PDZD2: variants seen among roughly 807,000 people sequenced by gnomAD.
PDZD2 encodes PDZ domain-containing protein 2.
Under a neutral mutation model 220.7 loss-of-function variants are expected in PDZD2, and 90 were observed. That is an observed-to-expected ratio of 0.41 (90% CI 0.34 to 0.49). PDZD2 has a LOEUF of 0.49. PDZD2 is among the 20% of genes least tolerant of loss of function. PDZD2 has a pLI of 0.28. For synonymous variants in PDZD2, 1,375 were observed against 1,450.5 expected, an observed-to-expected ratio of 0.95 and a Z score of 1.18; for missense variants, 3,174 against 3,608.5, an observed-to-expected ratio of 0.88 and a Z score of 3.08.
At chr5:31,976,717 T>C (rs1306718340) in intron 2 of PDZD2, among the ~76,000 whole-genome samples, 2 of 20,986 alleles carry the variant, frequency 9.5e-5, no homozygotes, top group Admixed American at 4.2e-4. Flanking sequence ...CTTCTTTCTT[T>C]TTTTTTTTTT....
rs1485746605 is a variant in PDZD2 at position 32,000,803 on chromosome 5, C to T, written c.1254+532C>T. On this transcript the variant is annotated intron_variant, in intron 5 of 24. Coordinates refer to ENST00000438447, the MANE Select transcript of PDZD2 (RefSeq NM_178140.4). This position sits in a 1 kb window ranked among gnomAD's most constrained non-coding sequence, Gnocchi z 4.5. The stretch of plus-strand genomic sequence containing the variant: ...GGGATTACAGGCGTGAGCCACCATG[C>T]CTGGCCCTTTAAGAGTTTTTATAGG... 2.0e-5 allele frequency among the ~76,000 whole-genome samples: 3 copies of T among 152,218 alleles called. No homozygotes were observed. Among genetic ancestry groups the T allele is most frequent in the Admixed American group, 1.3e-4 (2 of 15,284 alleles).
intron 2 of PDZD2, among the ~76,000 whole-genome samples, chr5:31,830,043 A>G (rs188327249): frequency 2.6e-5 from 4 of 152,196 alleles, no homozygotes; most frequent in Admixed American, 2.6e-4. Context: ...GCGAGACTCC[A>G]TCTCAAAGAA....
In PDZD2 at chr5:32,000,274, A is replaced by T. The variant is rs768753938; in HGVS notation, c.1254+3A>T. ...TGCAGCTTGTGGTGGCCAGCAAGGT[A>T]GGTCGTGTTTGTTTTTTGGTACTCG... is the stretch of plus-strand genomic sequence containing the variant. On this transcript the variant is annotated splice_donor_region_variant and intron_variant, in intron 5 of 24. Coordinates refer to ENST00000438447, the MANE Select transcript of PDZD2 (RefSeq NM_178140.4). The surrounding 1 kb of genome is among the most constrained non-coding windows in gnomAD (Gnocchi z 4.5). The T allele has an allele frequency of 2.5e-6, 4 of 1,614,066 alleles. No individual in the cohort carries two copies. The Admixed American group carries it at 6.7e-5, about 27-fold the overall frequency.
intron 1 of PDZD2, 149 bp from the exon 2 acceptor site, chr5:31,798,740 G>A (rs55900138): frequency 0.17 from 27,176 of 156,418 alleles, 2,538 homozygotes; most frequent in Middle Eastern, 0.21. Context: ...TAGCCACACG[G>A]GGGAATGGGG....
At chr5:32,033,055 A>T (rs1463801562) in intron 6 of PDZD2, among the ~76,000 whole-genome samples, 1 of 152,260 alleles carries the variant, frequency 6.6e-6, no homozygotes, top group Non-Finnish European at 1.5e-5. Context: ...GTTAGCCAAG[A>T]GGCCGAGAAG....
At chr5:31,922,659 A>C (rs1744376405) in intron 2 of PDZD2, among the ~76,000 whole-genome samples, 1 of 152,022 alleles carries the variant, frequency 6.6e-6, no homozygotes, top group Non-Finnish European at 1.5e-5. Flanking sequence ...AAGAAGCTTC[A>C]CTAGCCTTTT....
chr5:31,966,353 A>G (rs1332635308), intron 2 of PDZD2, among the ~76,000 whole-genome samples: 2 of 152,244 alleles, frequency 1.3e-5, no homozygotes, highest in South Asian at 2.1e-4. Context: ...CTCCTAAAAT[A>G]AACATACCAT....
intron 2 of PDZD2, chr5:31,847,810 T>G: frequency 1.8e-6 from 1 of 568,340 alleles, no homozygotes; most frequent in South Asian, 1.4e-5. Flanking sequence ...ATTCCCTGGT[T>G]ATGATTCTGA....
chr5:31,668,221 T>C (rs1272425117), intron 1 of PDZD2, among the ~76,000 whole-genome samples: 1 of 152,160 alleles, frequency 6.6e-6, no homozygotes, highest in Non-Finnish European at 1.5e-5. Flanking sequence ...TGCTTTCCAA[T>C]CTTACAGGAA....
intron 20 of PDZD2, among the ~76,000 whole-genome samples, chr5:32,091,929 G>A (rs1233001377): frequency 1.3e-5 from 2 of 152,132 alleles, no homozygotes; most frequent in African/African-American, 4.8e-5. Context: ...GGGGAATTTG[G>A]ACTTTGGAGG....
At chr5:31,756,707 T>G (rs995815513) in intron 1 of PDZD2, among the ~76,000 whole-genome samples, 4 of 152,194 alleles carry the variant, frequency 2.6e-5, no homozygotes, top group Non-Finnish European at 5.9e-5. Context: ...AGAGATGGTC[T>G]GGGCGACACT....
chr5:32,086,684 G>GTTC (rs1202548075), intron 19 of PDZD2, among the ~76,000 whole-genome samples: 1 of 151,800 alleles, frequency 6.6e-6, no homozygotes, highest in East Asian at 1.9e-4. Flanking sequence ...TGTTGTTGTT[G>GTTC]TTGTTTTCTG....
In PDZD2 at chr5:32,000,539, T is replaced by G. The variant is rs1752022707; in HGVS notation, c.1254+268T>G. ...TTTTTGTTTTTTTTGAGACGGAGTT[T>G]CACTCTTGTTGCCTAGTCTGGAGTG... is the stretch of plus-strand genomic sequence containing the variant. On this transcript the variant is annotated intron_variant, in intron 5 of 24. Coordinates refer to ENST00000438447, the MANE Select transcript of PDZD2 (RefSeq NM_178140.4). This position sits in a 1 kb window ranked among gnomAD's most constrained non-coding sequence, Gnocchi z 4.5. Among the ~76,000 whole-genome samples the G allele has an allele frequency of 6.6e-6, 1 of 152,030 alleles. No homozygotes were observed. The highest frequency in any genetic ancestry group is 6.5e-5 in the Admixed American group (1 of 15,268).
At position 31,965,755 on chromosome 5, in the gene PDZD2, G is replaced by C. The variant is rs1037123583; in HGVS notation, c.477-17400G>C. On this transcript the variant is annotated intron_variant, in intron 2 of 24. Transcript: ENST00000438447. ...ACTAAAAAATACAAAAAATTAGCCA[G>C]GCATGGTGGCACACACACCTATAAT... Among the ~76,000 whole-genome samples the C allele has an allele frequency of 1.3e-5, 2 of 152,222 alleles. 1 individual carries two copies. The highest frequency in any genetic ancestry group is 4.8e-5 in the African/African-American group (2 of 41,526).
intron 3 of PDZD2, among the ~76,000 whole-genome samples, chr5:31,984,699 A>G (rs1321875820): frequency 6.6e-6 from 1 of 152,156 alleles, no homozygotes; most frequent in Non-Finnish European, 1.5e-5. Context: ...CCCTGTCTCT[A>G]CCAAAAATAC....
At chr5:31,688,563 A>G (rs1255406081) in intron 1 of PDZD2, among the ~76,000 whole-genome samples, 4 of 152,142 alleles carry the variant, frequency 2.6e-5, no homozygotes, top group Admixed American at 6.5e-5. Flanking sequence ...GAGGTGACTC[A>G]GGGTAGGTGA....
rs1740821504 is a variant in PDZD2 at position 32,072,260 on chromosome 5, C to T, written c.2668C>T (p.His890Tyr). ...FMVAGSEDED[H>Y]PGSGCSTSEE... ...GGTGGCCGGTTCTGAGGACGAGGAT[C>T]ACCCGGGAAGTGGCTGCAGCACGTC... Residue 890 changes from histidine (H) to tyrosine (Y), a missense_variant, in exon 17 of 25, where the codon CAC (histidine) becomes TAC (tyrosine). Around this residue, in one of 4 missense-constraint regions of PDZD2, gnomAD observed 1,861 missense variants for 2,001.0 expected, o/e 0.93. Transcript: ENST00000438447. 8.7e-6 allele frequency: 14 copies of T among 1,614,130 alleles called. No individual in the cohort carries two copies. The highest frequency in any genetic ancestry group is 1.3e-5 in the African/African-American group (1 of 75,064).
intron 1 of PDZD2, among the ~76,000 whole-genome samples, chr5:31,737,293 C>T (rs1749942410): frequency 6.6e-6 from 1 of 151,090 alleles, no homozygotes; most frequent in Non-Finnish European, 1.5e-5. Context: ...CTGCCTCAGC[C>T]TCCTGAGTAG....
In PDZD2 at chr5:31,788,533, C is replaced by G. The variant is rs1020357359; in HGVS notation, c.-360-10356C>G. The stretch of plus-strand genomic sequence containing the variant: ...ACAAAAAATTAGCCGGGTGTGGTGG[C>G]GGGCGCCTGTAGTCCCAGCTGCTCG... On this transcript the variant is annotated intron_variant, in intron 1 of 24. Coordinates refer to ENST00000438447, the MANE Select transcript of PDZD2 (RefSeq NM_178140.4). Among the ~76,000 whole-genome samples, 3 of 151,618 alleles carry G rather than the reference C, an allele frequency of 2.0e-5. No individual in the cohort carries two copies. In the South Asian group the frequency reaches 6.3e-4, roughly 32 times the overall value.
Sources: allele counts gnomAD v4.1 joint callset (sites outside exome capture counted in the v4.1 genomes callset), GRCh38; gene constraint gnomAD v4.1.1; regional missense constraint gnomAD v4.1.1; non-coding constraint Gnocchi (gnomAD v3.1); transcripts MANE v1.5; gene names NCBI Gene and HGNC (gene_info 2026-07-23, HGNC 2026-07-21).